Variants in RYR2 observed in about 807,000 individuals in gnomAD.
RYR2 encodes cardiac muscle ryanodine receptor-calcium release channel.
In RYR2, 227 loss-of-function variants were observed where a neutral mutation model predicts 601.1. That is an observed-to-expected ratio of 0.38 (90% confidence interval 0.34 to 0.42). The LOEUF is 0.42. Ranked by LOEUF, RYR2 falls within the 10% of genes least tolerant of loss-of-function variation. RYR2 has a pLI of 1.00. For missense variants in RYR2, 4,646 were observed against 6,156.5 expected (o/e 0.75, Z 8.21); for synonymous variants, 2,223 against 2,175.1 (o/e 1.02, Z -0.61).
chr1:237,638,454 G>A lies in RYR2; in HGVS notation c.6890G>A (p.Arg2297Lys), dbSNP rs1182178681. 1 of 1,613,940 alleles carries A rather than the reference G, an allele frequency of 6.2e-7. No individual in the cohort carries two copies. The highest frequency in any genetic ancestry group is 1.7e-5 in the Admixed American group (1 of 60,030). The part of the protein sequence containing the change: ...DIGWNPVEGE[R>K]YLDFLRFAVF... ...GGGTGGAACCCAGTTGAAGGAGAGAGATATCTTGACTTTCTTAGATTTGCT... is the reference window on the plus strand; with the variant it reads ...GGGTGGAACCCAGTTGAAGGAGAGAAATATCTTGACTTTCTTAGATTTGCT... The change falls in exon 45 of 105, where the codon AGA becomes AAA. Residue 2297 changes from arginine (R) to lysine (K), a missense_variant. Coordinates refer to ENST00000366574, the MANE Select transcript of RYR2 (RefSeq NM_001035.3).
intron 1 of RYR2, among the ~76,000 whole-genome samples, chr1:237,242,923 A>T (rs1295589484): frequency 2.0e-5 from 3 of 152,156 alleles, no homozygotes; most frequent in African/African-American, 7.2e-5. Context: ...TGACTCACAT[A>T]AGTGAAAAGT....
intron 2 of RYR2, among the ~76,000 whole-genome samples, chr1:237,293,575 T>A (rs1052312511): frequency 1.3e-5 from 2 of 152,114 alleles, no homozygotes; most frequent in African/African-American, 2.4e-5. Context: ...CTGATTTAAA[T>A]CAGGGGTTCC....
At chr1:237,309,853 T>C (rs34841839) in intron 2 of RYR2, among the ~76,000 whole-genome samples, 51,428 of 152,062 alleles carry the variant, frequency 0.34, 8,935 homozygotes, top group South Asian at 0.51. Flanking sequence ...GTGCACCCTC[T>C]GCAGCTGCTG....
chr1:237,577,557 AG>A (rs1673403159), intron 29 of RYR2, among the ~76,000 whole-genome samples: 1 of 150,118 alleles, frequency 6.7e-6, no homozygotes, highest in Non-Finnish European at 1.5e-5. Flanking sequence ...TGTTTGAGAG[AG>A]AGAGAGAGAA....
chr1:237,065,372 C>T (rs376365258), intron 1 of RYR2, among the ~76,000 whole-genome samples: 19 of 149,062 alleles, frequency 1.3e-4, no homozygotes, highest in Non-Finnish European at 2.2e-4. Flanking sequence ...CTCCACCTCC[C>T]GGGTTCAAGC....
chr1:237,713,168 T>C (rs1688982144), intron 71 of RYR2, among the ~76,000 whole-genome samples: 1 of 152,156 alleles, frequency 6.6e-6, no homozygotes, highest in Non-Finnish European at 1.5e-5. Flanking sequence ...ACAGATACCC[T>C]TTTCCCTCTT....
chr1:237,822,755 A>G (rs1662652062), intron 101 of RYR2, among the ~76,000 whole-genome samples: 1 of 152,188 alleles, frequency 6.6e-6, no homozygotes, highest in African/African-American at 2.4e-5. Context: ...AAGAGTCAAG[A>G]CCCATTAATG....
chr1:237,288,153 A>G (rs957872972), intron 2 of RYR2, among the ~76,000 whole-genome samples: 2 of 152,142 alleles, frequency 1.3e-5, no homozygotes, highest in African/African-American at 2.4e-5. Context: ...ACAGAGTCCC[A>G]TGATGTGAAC....
intron 24 of RYR2, among the ~76,000 whole-genome samples, chr1:237,513,782 G>A (rs1666147860): frequency 6.6e-6 from 1 of 152,086 alleles, no homozygotes; most frequent in South Asian, 2.1e-4. Flanking sequence ...TACGATCTAG[G>A]TTTGTACGAA....
chr1:237,208,964 A>ATATATATATATATATG (rs1558428037), intron 1 of RYR2, among the ~76,000 whole-genome samples: 13 of 104,582 alleles, frequency 1.2e-4, no homozygotes, highest in African/African-American at 2.6e-4. Context: ...ATATATATAT[A>ATATATATATATATATG]TATATATATA....
intron 2 of RYR2, among the ~76,000 whole-genome samples, chr1:237,319,959 G>C (rs1409618478): frequency 1.3e-5 from 2 of 152,166 alleles, no homozygotes; most frequent in Admixed American, 1.3e-4. Context: ...TGACAAGGTG[G>C]CACAGCTACT....
chr1:237,231,241 T>C (rs555767331), intron 1 of RYR2, among the ~76,000 whole-genome samples: 1 of 152,286 alleles, frequency 6.6e-6, no homozygotes, highest in Admixed American at 6.5e-5. Context: ...GAATGCTTTT[T>C]AGAACTTCCT....
chr1:237,709,547 A>C lies in RYR2; in HGVS notation c.10210A>C (p.Ile3404Leu). The change falls in exon 70 of 105, where the codon ATC becomes CTC. Residue 3404 changes from isoleucine (I) to leucine (L), a missense_variant. Ile to Leu is a conservative substitution (Grantham distance 5). This residue lies in a region of RYR2 where 1,497 missense variants were observed against 1,842.6 expected (regional missense o/e 0.81). Transcript: ENST00000366574. ...ELFRMVAEVF[I>L]YWSKSHNFKR... is the part of the protein sequence containing the mutation. ...CTTCCGCATGGTGGCTGAAGTGTTTATCTACTGGTCGAAGTCCCATGTGAG... is the reference window on the plus strand; with the variant it reads ...CTTCCGCATGGTGGCTGAAGTGTTTCTCTACTGGTCGAAGTCCCATGTGAG... 6.2e-7 allele frequency: 1 copy of C among 1,610,186 alleles called. No individual in the cohort carries two copies. The highest frequency in any genetic ancestry group is 8.5e-7 in the Non-Finnish European group (1 of 1,177,834).
intron 1 of RYR2, among the ~76,000 whole-genome samples, chr1:237,209,523 T>C (rs1467974905): frequency 3.6e-5 from 1 of 27,822 alleles, no homozygotes; most frequent in Admixed American, 5.1e-4. Flanking sequence ...GTATTTTTTT[T>C]TTTTCTTTGG....
In RYR2 at chr1:237,705,340, G is replaced by A; in HGVS notation, c.9577G>A (p.Ala3193Thr). ...CAATACCAAGTCTTCACGAGAAAGAGCAGGTAACACAGAAACATGTGCAGT... is the reference window on the plus strand; with the variant it reads ...CAATACCAAGTCTTCACGAGAAAGAACAGGTAACACAGAAACATGTGCAGT... The part of the protein sequence containing the change: ...IYNTKSSRER[A>T]ALSLPTNVED... The change falls in exon 67 of 105, where the codon GCA becomes ACA. Residue 3193 changes from alanine (A) to threonine (T), a missense_variant. Coordinates refer to ENST00000366574, the MANE Select transcript of RYR2 (RefSeq NM_001035.3). 1.2e-6 allele frequency: 2 copies of A among 1,603,672 alleles called. No homozygotes were observed. The highest frequency in any genetic ancestry group is 1.7e-4 in the Middle Eastern group (1 of 6,032).
At chr1:237,780,103 T>C (rs934624799) in intron 88 of RYR2, among the ~76,000 whole-genome samples, 7 of 152,018 alleles carry the variant, frequency 4.6e-5, no homozygotes, top group African/African-American at 1.7e-4. Context: ...ATCCTTGACA[T>C]GCAGTCTTGA....
intron 24 of RYR2, among the ~76,000 whole-genome samples, chr1:237,528,102 A>C (rs985317193): frequency 5.3e-5 from 8 of 152,192 alleles, no homozygotes; most frequent in African/African-American, 1.9e-4. Context: ...CACAAAATTA[A>C]AGATGCTGGC....
intron 4 of RYR2, among the ~76,000 whole-genome samples, chr1:237,359,831 G>A (rs2149708156): frequency 6.6e-6 from 1 of 152,200 alleles, no homozygotes; most frequent in Non-Finnish European, 1.5e-5. Context: ...AGTAACTAAT[G>A]GTCATTTCCA....
chr1:237,086,750 T>G (rs1056297226), intron 1 of RYR2, among the ~76,000 whole-genome samples: 44 of 152,086 alleles, frequency 2.9e-4, no homozygotes, highest in Non-Finnish European at 4.7e-4. Context: ...CTGGAAGTGT[T>G]TGGGCTTTGG....
Sources: gnomAD v4.1 joint callset for allele counts (sites outside exome capture counted in the v4.1 genomes callset) on GRCh38, gnomAD v4.1.1 for gene constraint, gnomAD v4.1.1 regional missense constraint, MANE v1.5 for transcripts, NCBI Gene and HGNC (gene_info 2026-07-23, HGNC 2026-07-21) for gene names.